PLXNC1: variants seen among roughly 807,000 people sequenced by gnomAD.
PLXNC1 encodes plexin-C1.
In PLXNC1, 75 loss-of-function variants were observed where a neutral mutation model predicts 178.2. That is an observed-to-expected ratio of 0.42 (90% CI 0.35 to 0.51). The LOEUF (loss-of-function observed/expected upper bound fraction) is 0.51. Among genes scored for constraint, PLXNC1 ranks in the 20% least tolerant of loss-of-function variants. The pLI is 0.02. For synonymous variants in PLXNC1, 790 were observed against 779.9 expected, an observed-to-expected ratio of 1.01 and a Z score of -0.22; for missense variants, 1,503 against 1,984.4, an observed-to-expected ratio of 0.76 and a Z score of 4.61.
At chr12:94,191,312 T>C (rs1282893539) in intron 4 of PLXNC1, among the ~76,000 whole-genome samples, 1 of 152,230 alleles carries the variant, frequency 6.6e-6, no homozygotes, top group Non-Finnish European at 1.5e-5. Flanking sequence ...AAGGGGGATG[T>C]TTTCTTATAA....
At chr12:94,234,806 C>G (rs1964197486) in intron 9 of PLXNC1, among the ~76,000 whole-genome samples, 1 of 152,146 alleles carries the variant, frequency 6.6e-6, no homozygotes, top group Non-Finnish European at 1.5e-5. Flanking sequence ...TGAATTAACT[C>G]TTGATGAAAA....
intron 12 of PLXNC1, among the ~76,000 whole-genome samples, chr12:94,246,409 T>C (rs979083308): frequency 1.2e-4 from 18 of 152,026 alleles, no homozygotes; most frequent in Non-Finnish European, 2.5e-4. Flanking sequence ...TATAGCAGTA[T>C]CGTTGAAGGG....
intron 27 of PLXNC1, among the ~76,000 whole-genome samples, chr12:94,300,085 T>C (rs1372917412): frequency 1.3e-5 from 2 of 152,304 alleles, no homozygotes; most frequent in Non-Finnish European, 2.9e-5. Flanking sequence ...GTTCGGGTAT[T>C]TGAGTACCTA....
At chr12:94,229,923 G>A (rs1428869468) in intron 9 of PLXNC1, among the ~76,000 whole-genome samples, 1 of 152,206 alleles carries the variant, frequency 6.6e-6, no homozygotes, top group African/African-American at 2.4e-5. Flanking sequence ...ATGTACTTGT[G>A]AGACAATAAT....
chr12:94,149,463 C>G lies in PLXNC1; in HGVS notation c.492C>G (p.Gly164=). 1 of 1,475,728 alleles carries G rather than the reference C, an allele frequency of 6.8e-7. No individual in the cohort carries two copies. Among genetic ancestry groups the G allele is most frequent in the Non-Finnish European group, 8.9e-7 (1 of 1,121,850 alleles). 91.4% of individuals were successfully genotyped at this position (1,475,728 alleles called of 1,614,324 possible). A position where few individuals can be genotyped will look rare whatever the true frequency, so the allele number is the denominator to read the frequency against. The change falls in exon 1 of 31, where the codon GGC becomes GGG. Residue 164 remains glycine, a synonymous_variant. Transcript: ENST00000258526. ...VSCHPQGSTA[G]VVYRAGRNNR... Reference sequence around the variant, plus strand: ...GCCACCCGCAGGGCTCGACGGCCGGCGTGGTGTACCGCGCGGGCCGGAACA... The same window carrying G: ...GCCACCCGCAGGGCTCGACGGCCGGGGTGGTGTACCGCGCGGGCCGGAACA...
rs554659487 is a variant in PLXNC1, at chr12:94,301,077, T to C, written c.4386+20T>C. The C allele has an allele frequency of 1.2e-6, 2 of 1,611,152 alleles. No individual in the cohort carries two copies. The highest frequency in any genetic ancestry group is 2.2e-5 in the South Asian group (2 of 90,980). On this transcript the variant is annotated intron_variant, in intron 28 of 30. Coordinates refer to ENST00000258526, the MANE Select transcript of PLXNC1 (RefSeq NM_005761.3). Reference sequence around the variant, plus strand: ...GGGAAGGTAAGGCCCAGCTTGAGTATTTCTTGTATGCAGTCTTATGAGTTT... The same window carrying C: ...GGGAAGGTAAGGCCCAGCTTGAGTACTTCTTGTATGCAGTCTTATGAGTTT...
intron 4 of PLXNC1, among the ~76,000 whole-genome samples, chr12:94,198,901 C>T (rs1170641276): frequency 6.6e-6 from 1 of 152,182 alleles, no homozygotes; most frequent in East Asian, 1.9e-4. Context: ...GACCCTATTT[C>T]TACATAAGGT....
At chr12:94,283,243 G>T (rs2136150844) in intron 23 of PLXNC1, among the ~76,000 whole-genome samples, 1 of 152,298 alleles carries the variant, frequency 6.6e-6, no homozygotes, top group Middle Eastern at 3.4e-3. Context: ...CCTGGAGGAG[G>T]TTATGACTGA....
At chr12:94,230,356 A>C (rs1417226982) in intron 9 of PLXNC1, among the ~76,000 whole-genome samples, 1 of 152,150 alleles carries the variant, frequency 6.6e-6, no homozygotes, top group Admixed American at 6.5e-5. Flanking sequence ...TAAATATCAT[A>C]AAGTCACTAC....
intron 1 of PLXNC1, 123 bp from the exon 2 acceptor site, chr12:94,169,030 A>C: frequency 2.4e-6 from 2 of 845,538 alleles, no homozygotes; most frequent in Non-Finnish European, 3.6e-6. Context: ...CTAAGAGAAT[A>C]TATGTGGGGC....
chr12:94,206,907 A>C (rs1963317023), intron 4 of PLXNC1, among the ~76,000 whole-genome samples: 1 of 152,188 alleles, frequency 6.6e-6, no homozygotes, highest in African/African-American at 2.4e-5. Context: ...CAGTGGCTCA[A>C]GTGTTTATGC....
At chr12:94,294,454 A>G in intron 23 of PLXNC1, 32 bp from the exon 24 acceptor site, 2 of 969,956 alleles carry the variant, frequency 2.1e-6, no homozygotes, top group Non-Finnish European at 3.2e-6. Context: ...TTAAATTTTG[A>G]ACACTCATAT....
At chr12:94,168,763 C>T (rs1328057054) in intron 1 of PLXNC1, among the ~76,000 whole-genome samples, 4 of 152,194 alleles carry the variant, frequency 2.6e-5, no homozygotes, top group Non-Finnish European at 5.9e-5. Flanking sequence ...GAAGCCAACG[C>T]CTAGCTAAAA....
intron 21 of PLXNC1, among the ~76,000 whole-genome samples, chr12:94,271,088 C>T (rs1315127371): frequency 3.3e-5 from 5 of 152,172 alleles, no homozygotes; most frequent in Non-Finnish European, 7.3e-5. Context: ...TGTTTCTTCT[C>T]TCTTTAATTC....
chr12:94,215,242 A>C (rs1243400335), intron 5 of PLXNC1, among the ~76,000 whole-genome samples: 1 of 152,206 alleles, frequency 6.6e-6, no homozygotes, highest in African/African-American at 2.4e-5. Context: ...TATTAATTAA[A>C]AACATAAGCA....
intron 5 of PLXNC1, among the ~76,000 whole-genome samples, chr12:94,212,882 G>A (rs971890201): frequency 7.0e-6 from 1 of 143,278 alleles, no homozygotes; most frequent in Non-Finnish European, 1.6e-5. Flanking sequence ...ACTACACCCG[G>A]CTAATTTTTT....
chr12:94,287,190 G>A (rs1477358592), intron 23 of PLXNC1, among the ~76,000 whole-genome samples: 1 of 152,230 alleles, frequency 6.6e-6, no homozygotes, highest in Non-Finnish European at 1.5e-5. Context: ...ATTCTGTCCT[G>A]TGCAGACAAA....
At chr12:94,166,664 G>T (rs946873017) in intron 1 of PLXNC1, among the ~76,000 whole-genome samples, 2 of 151,788 alleles carry the variant, frequency 1.3e-5, no homozygotes, top group African/African-American at 2.4e-5. Flanking sequence ...TAAATTAATT[G>T]CCCAGGTCAC....
At chr12:94,227,068 G>A in intron 8 of PLXNC1, 81 bp from the exon 9 acceptor site, 5 of 932,684 alleles carry the variant, frequency 5.4e-6, no homozygotes, top group East Asian at 2.4e-5. Context: ...TGACTGCCTG[G>A]TCCTACCTTC....
Sources: gnomAD v4.1 joint callset for allele counts (sites outside exome capture counted in the v4.1 genomes callset) on GRCh38, gnomAD v4.1.1 for gene constraint, MANE v1.5 for transcripts, NCBI Gene and HGNC (gene_info 2026-07-23, HGNC 2026-07-21) for gene names.